RBFOX1: variants seen among roughly 807,000 people sequenced by gnomAD.
RBFOX1 encodes RNA binding fox-1 homolog 1, also known as RNA binding protein fox-1 homolog 1.
Under a neutral mutation model 57.7 loss-of-function variants are expected in RBFOX1, and 8 were observed. The ratio of observed to expected loss-of-function variants is 0.14; its 90% confidence interval spans 0.08 to 0.25. The LOEUF is 0.25. Among genes scored for constraint, RBFOX1 ranks in the 10% least tolerant of loss-of-function variants. RBFOX1 has a pLI of 1.00. For synonymous variants in RBFOX1, 326 were observed against 222.4 expected, an observed-to-expected ratio of 1.47 and a Z score of -4.15; for missense variants, 611 against 548.5, an observed-to-expected ratio of 1.11 and a Z score of -1.14.
At chr16:6,759,007 G>T (rs571927560) in intron 3 of RBFOX1, among the ~76,000 whole-genome samples, 1 of 152,088 alleles carries the variant, frequency 6.6e-6, no homozygotes, top group South Asian at 2.1e-4. Context: ...ACAATGATGA[G>T]CTAGTCATAT....
chr16:5,919,061 C>G (rs908136101), intron 4 of RBFOX1, among the ~76,000 whole-genome samples: 88 of 152,280 alleles, frequency 5.8e-4, no homozygotes, highest in African/African-American at 1.9e-3. Flanking sequence ...TTCCCAGTGT[C>G]TGAGAGCTGA....
At chr16:7,110,171 G>T (rs1033949511) in intron 4 of RBFOX1, among the ~76,000 whole-genome samples, 2 of 136,736 alleles carry the variant, frequency 1.5e-5, no homozygotes, top group African/African-American at 5.5e-5. Context: ...GCAACATAGC[G>T]AGACCCCCCG....
chr16:6,051,942 G>C (rs1301858557), intron 1 of RBFOX1, among the ~76,000 whole-genome samples: 1 of 152,014 alleles, frequency 6.6e-6, no homozygotes, highest in Admixed American at 6.6e-5. Flanking sequence ...GCCAGAGTCA[G>C]AGCCCTACAC....
chr16:6,353,172 A>G (rs1232105588), intron 2 of RBFOX1, among the ~76,000 whole-genome samples: 2 of 152,058 alleles, frequency 1.3e-5, no homozygotes, highest in Non-Finnish European at 2.9e-5. Flanking sequence ...ATTTCTCCCC[A>G]TCTTTCCCAA....
intron 1 of RBFOX1, among the ~76,000 whole-genome samples, chr16:6,251,376 A>G (rs952734482): frequency 6.6e-6 from 1 of 152,120 alleles, no homozygotes; most frequent in Non-Finnish European, 1.5e-5. Context: ...CAGAGGGGTT[A>G]AGTCACCTGC....
chr16:7,467,742 G>C (rs11077184), intron 4 of RBFOX1, among the ~76,000 whole-genome samples: 2 of 151,996 alleles, frequency 1.3e-5, no homozygotes, highest in African/African-American at 4.8e-5. Flanking sequence ...TCTTCCCATG[G>C]TGCACATGCA....
At chr16:6,145,003 C>T (rs1040277527) in intron 1 of RBFOX1, among the ~76,000 whole-genome samples, 1 of 152,038 alleles carries the variant, frequency 6.6e-6, no homozygotes, top group Non-Finnish European at 1.5e-5. Context: ...AGATAAGACC[C>T]TGCATTTTAT....
intron 2 of RBFOX1, among the ~76,000 whole-genome samples, chr16:6,457,069 G>T (rs566893055): frequency 6.6e-6 from 1 of 152,100 alleles, no homozygotes; most frequent in African/African-American, 2.4e-5. Flanking sequence ...AGTATAAACA[G>T]GTTTTAAGCC....
chr16:5,989,865 CACACACACACACACA>C (rs1386755596), intron 4 of RBFOX1, among the ~76,000 whole-genome samples: 7 of 114,524 alleles, frequency 6.1e-5, no homozygotes, highest in Admixed American at 2.0e-4. Context: ...CACACACACA[CACACACACACACACA>C]CCACCCCTGT....
intron 4 of RBFOX1, among the ~76,000 whole-genome samples, chr16:7,363,530 G>T (rs927403035): frequency 6.6e-6 from 1 of 152,050 alleles, no homozygotes; most frequent in African/African-American, 2.4e-5. Flanking sequence ...GATCTTGTGG[G>T]CCTCTCAGCC....
intron 4 of RBFOX1, among the ~76,000 whole-genome samples, chr16:7,175,093 T>C (rs1383032681): frequency 6.6e-6 from 1 of 152,094 alleles, no homozygotes; most frequent in Non-Finnish European, 1.5e-5. Context: ...GCACGTTTGT[T>C]ACATAGGTAA....
At chr16:7,125,439 C>T (rs902272556) in intron 4 of RBFOX1, among the ~76,000 whole-genome samples, 17 of 152,200 alleles carry the variant, frequency 1.1e-4, no homozygotes, top group Admixed American at 4.6e-4. Context: ...CATGTTTAAA[C>T]GTCCAGTTTT....
chr16:7,176,735 T>G (rs976727062), intron 4 of RBFOX1, among the ~76,000 whole-genome samples: 18 of 152,212 alleles, frequency 1.2e-4, no homozygotes, highest in African/African-American at 4.1e-4. Context: ...GTGATATTCC[T>G]ACTTTTATTA....
intron 1 of RBFOX1, among the ~76,000 whole-genome samples, chr16:5,273,395 T>A (rs2063064102): frequency 6.6e-6 from 1 of 152,104 alleles, no homozygotes; most frequent in Non-Finnish European, 1.5e-5. Context: ...ATGAACAAGA[T>A]AAACATGGCA....
chr16:6,805,479 C>A (rs922122495), intron 3 of RBFOX1, among the ~76,000 whole-genome samples: 1 of 151,944 alleles, frequency 6.6e-6, no homozygotes, highest in East Asian at 1.9e-4. Context: ...CTGTACCATC[C>A]CCATAACATG....
intron 3 of RBFOX1, among the ~76,000 whole-genome samples, chr16:5,694,300 A>G (rs2050782924): frequency 6.6e-6 from 1 of 152,204 alleles, no homozygotes; most frequent in Non-Finnish European, 1.5e-5. Context: ...AAAGTCATTT[A>G]ATTATCACTG....
chr16:6,780,001 A>T (rs1301504534), intron 3 of RBFOX1, among the ~76,000 whole-genome samples: 1 of 67,152 alleles, frequency 1.5e-5, no homozygotes, highest in South Asian at 5.5e-4. Flanking sequence ...ATATATTTAT[A>T]TATATTTATA....
chr16:6,264,321 A>T (rs776825250), intron 1 of RBFOX1, among the ~76,000 whole-genome samples: 1 of 152,142 alleles, frequency 6.6e-6, no homozygotes, highest in East Asian at 1.9e-4. Context: ...ACTTGGCTTG[A>T]CTTTCTCCCA....
At chr16:6,686,296 G>A (rs2059427094) in intron 3 of RBFOX1, among the ~76,000 whole-genome samples, 1 of 152,284 alleles carries the variant, frequency 6.6e-6, no homozygotes, top group East Asian at 1.9e-4. Flanking sequence ...TTTCTTCATG[G>A]GAACTTCACA....
Sources: gnomAD v4.1 joint callset for allele counts (sites outside exome capture counted in the v4.1 genomes callset) on GRCh38, gnomAD v4.1.1 for gene constraint, MANE v1.5 for transcripts, NCBI Gene and HGNC (gene_info 2026-07-23, HGNC 2026-07-21) for gene names.